Variants in HNRNPA2B1 observed in about 807,000 individuals in gnomAD.
HNRNPA2B1 encodes the protein heterogeneous nuclear ribonucleoproteins A2/B1.
In HNRNPA2B1, 3 loss-of-function variants were observed where a neutral mutation model predicts 46.3. The observed-to-expected ratio is 0.06, with a 90% CI of 0.03 to 0.17. The LOEUF (loss-of-function observed/expected upper bound fraction) is 0.17. Ranked by LOEUF, HNRNPA2B1 falls within the 10% of genes least tolerant of loss-of-function variation. The pLI, the probability that HNRNPA2B1 is intolerant of heterozygous loss-of-function variation, is 1.00. For missense variants in HNRNPA2B1, 221 were observed against 418.9 expected (o/e 0.53, Z 4.12); for synonymous variants, 225 against 133.8 (o/e 1.68, Z -4.70).
chr7:26,193,813 C>T, intron 7 of HNRNPA2B1, 119 bp from the exon 8 acceptor site: 1 of 895,016 alleles, frequency 1.1e-6, no homozygotes, highest in South Asian at 1.6e-5. Context: ...TGAAATTCCT[C>T]TAAAATAGCT....
In HNRNPA2B1 at chr7:26,200,713, G is replaced by T. The variant is rs112928113; in HGVS notation, c.-136C>A. On this transcript the variant is annotated 5_prime_UTR_variant, in exon 1 of 11. Coordinates refer to ENST00000618183, the MANE Select transcript of HNRNPA2B1 (RefSeq NM_002137.4). ...TGCTCGAGAAACAACTCTGCGAGGA[G>T]CACCTCCGCACGGGACCCGGCGCTG... 4.1e-4 allele frequency: 453 copies of T among 1,092,638 alleles called. 4 individuals carry two copies. In the Middle Eastern group the frequency reaches 0.011, roughly 26 times the overall value. The allele number at this position is 1,092,638 out of a possible 1,614,324, so 67.7% of individuals were successfully genotyped here.
rs10255851 is a variant in HNRNPA2B1 at position 26,198,072 on chromosome 7, G to A, written c.7-340C>T. ...GGAAAAATAAACAAATGTAGACCGT[G>A]ATTATCAAAGGATTATTAAAGAATC... On this transcript the variant is annotated intron_variant, in intron 1 of 10. Coordinates refer to ENST00000618183, the MANE Select transcript of HNRNPA2B1 (RefSeq NM_002137.4). 20,456 of 396,964 alleles carry A rather than the reference G, an allele frequency of 0.052. 679 individuals carry two copies. The highest frequency in any genetic ancestry group is 0.11 in the African/African-American group (5,241 of 48,288). 24.6% of individuals were successfully genotyped at this position (396,964 alleles called of 1,614,324 possible). A position where few individuals can be genotyped will look rare whatever the true frequency, so the allele number is the denominator to read the frequency against.
intron 6 of HNRNPA2B1, 103 bp downstream of exon 6, chr7:26,196,298 A>T (rs1275569695): frequency 1.5e-5 from 14 of 944,732 alleles, no homozygotes; most frequent in Non-Finnish European, 2.2e-5. Flanking sequence ...AAGTCTTAGG[A>T]AAATTGACTT....
In HNRNPA2B1 at chr7:26,190,625, G is replaced by C. The variant is rs551763820; in HGVS notation, c.*1735C>G. ...GGCAATAAAGCCGGGCAATCAAACT[G>C]ATCATATCTAAGGAATGAATTTCAA... is the stretch of plus-strand genomic sequence containing the variant. On this transcript the variant is annotated 3_prime_UTR_variant, in exon 11 of 11. Transcript: ENST00000618183. The C allele has an allele frequency of 1.3e-5, 2 of 152,274 alleles. No individual in the cohort carries two copies. The highest frequency in any genetic ancestry group is 4.8e-5 in the African/African-American group (2 of 41,548). The allele number at this position is 152,274 out of a possible 1,614,324, so 9.4% of individuals were successfully genotyped here. A position where few individuals can be genotyped will look rare whatever the true frequency, so the allele number is the denominator to read the frequency against.
chr7:26,197,936 CAAAAAATTG>C, intron 1 of HNRNPA2B1: 12 of 1,002,340 alleles, frequency 1.2e-5, no homozygotes, highest in South Asian at 6.4e-5. Context: ...TGTGTTACAC[CAAAAAATTG>C]CCTCAGCTGA....
chr7:26,197,160 A>C, intron 3 of HNRNPA2B1, 143 bp from the exon 4 acceptor site: 1 of 1,164,916 alleles, frequency 8.6e-7, no homozygotes, highest in Non-Finnish European at 1.2e-6. Context: ...CTAGCTTTTG[A>C]AAAATAAGCT....
rs900190909 is a variant in HNRNPA2B1, at chr7:26,190,482, A to G, written c.*1878T>C. The stretch of plus-strand genomic sequence containing the variant: ...CTTCCTGCCAAAGGAAAAAAAAAGT[A>G]TCTGAAGAAGTTTATCATGTTTGTC... On this transcript the variant is annotated 3_prime_UTR_variant, in exon 11 of 11. Coordinates refer to ENST00000618183, the MANE Select transcript of HNRNPA2B1 (RefSeq NM_002137.4). 6.6e-6 allele frequency: 1 copy of G among 152,596 alleles called. No homozygotes were observed. The highest frequency in any genetic ancestry group is 1.5e-5 in the Non-Finnish European group (1 of 68,022). The allele number at this position is 152,596 out of a possible 1,614,324, so 9.5% of individuals were successfully genotyped here. A position where few individuals can be genotyped will look rare whatever the true frequency, so the allele number is the denominator to read the frequency against.
At position 26,192,643 on chromosome 7, in the gene HNRNPA2B1, A is replaced by G. The variant is rs1005731869; in HGVS notation, c.965-66T>C. The G allele has an allele frequency of 5.5e-6, 7 of 1,269,858 alleles. No individual in the cohort carries two copies. In the African/African-American group the frequency reaches 1.0e-4, roughly 19 times the overall value. 78.7% of individuals were successfully genotyped at this position (1,269,858 alleles called of 1,614,324 possible). A position where few individuals can be genotyped will look rare whatever the true frequency, so the allele number is the denominator to read the frequency against. ...GATTTCCCATGATCAGCCTAACACT[A>G]CAGTTGATTCTATTTTATATCCATC... is the stretch of plus-strand genomic sequence containing the variant. On this transcript the variant is annotated intron_variant, in intron 9 of 10. Transcript: ENST00000618183.
rs1294907430 is a variant in HNRNPA2B1 at position 26,192,254 on chromosome 7, A to T, written c.*106T>A. The T allele has an allele frequency of 2.3e-6, 1 of 431,318 alleles. No individual in the cohort carries two copies. Among genetic ancestry groups the T allele is most frequent in the Non-Finnish European group, 4.2e-6 (1 of 239,256 alleles). 26.7% of individuals were successfully genotyped at this position (431,318 alleles called of 1,614,324 possible). A position where few individuals can be genotyped will look rare whatever the true frequency, so the allele number is the denominator to read the frequency against. On this transcript the variant is annotated 3_prime_UTR_variant, in exon 11 of 11. Coordinates refer to ENST00000618183, the MANE Select transcript of HNRNPA2B1 (RefSeq NM_002137.4). ...CATATTTATGCATGACTGAGATAAG[A>T]GTTTCCTTAACATTGTTATTTCGAT...
At position 26,200,103 on chromosome 7, in the gene HNRNPA2B1, G is replaced by C. The variant is rs138249007; in HGVS notation, c.6+469C>G. The stretch of plus-strand genomic sequence containing the variant: ...CACTAAGAAAATAAAAGAGTTATAA[G>C]GAAAACGCTGAGAGGAAGGCGAGCC... On this transcript the variant is annotated intron_variant, in intron 1 of 10. Coordinates refer to ENST00000618183, the MANE Select transcript of HNRNPA2B1 (RefSeq NM_002137.4). 859 of 194,942 alleles carry C rather than the reference G, an allele frequency of 4.4e-3. 6 individuals are homozygous for C. The highest frequency in any genetic ancestry group is 0.019 in the African/African-American group (818 of 42,418). 12.1% of individuals were successfully genotyped at this position (194,942 alleles called of 1,614,324 possible). A position where few individuals can be genotyped will look rare whatever the true frequency, so the allele number is the denominator to read the frequency against.
chr7:26,200,735 GCTGCTGCTA>G lies in HNRNPA2B1; in HGVS notation c.-167_-159del. The G allele has an allele frequency of 1.1e-6, 1 of 902,766 alleles. No homozygotes were observed. Among genetic ancestry groups the G allele is most frequent in the South Asian group, 1.3e-5 (1 of 74,548 alleles). 55.9% of individuals were successfully genotyped at this position (902,766 alleles called of 1,614,324 possible). On this transcript the variant is annotated 5_prime_UTR_variant, in exon 1 of 11. Coordinates refer to ENST00000618183, the MANE Select transcript of HNRNPA2B1 (RefSeq NM_002137.4). ...GGAGCACCTCCGCACGGGACCCGGC[GCTGCTGCTA>G]CTGCCGCTAGAGCCGCTGCCGCCGC...
At chr7:26,197,569 T>C in intron 2 of HNRNPA2B1, 53 bp downstream of exon 2, 1 of 1,561,268 alleles carries the variant, frequency 6.4e-7, no homozygotes, top group Non-Finnish European at 8.8e-7. Context: ...CATGATTCAC[T>C]TAACATACAG....
chr7:26,193,409 C>T (rs770498639), intron 8 of HNRNPA2B1, 36 bp from the exon 9 acceptor site: 2 of 1,594,314 alleles, frequency 1.3e-6, no homozygotes, highest in Non-Finnish European at 8.6e-7. Flanking sequence ...ACAATACAAA[C>T]ATTAAACCAA....
chr7:26,190,642 G>C lies in HNRNPA2B1; in HGVS notation c.*1718C>G, dbSNP rs1426931777. The C allele has an allele frequency of 6.6e-6, 1 of 152,192 alleles. No individual in the cohort carries two copies. Among genetic ancestry groups the C allele is most frequent in the African/African-American group, 2.4e-5 (1 of 41,444 alleles). The allele number at this position is 152,192 out of a possible 1,614,324, so 9.4% of individuals were successfully genotyped here. A position where few individuals can be genotyped will look rare whatever the true frequency, so the allele number is the denominator to read the frequency against. On this transcript the variant is annotated 3_prime_UTR_variant, in exon 11 of 11. Coordinates refer to ENST00000618183, the MANE Select transcript of HNRNPA2B1 (RefSeq NM_002137.4). ...ATCAAACTGATCATATCTAAGGAAT[G>C]AATTTCAACAGCCAACCTACAACTT... is the stretch of plus-strand genomic sequence containing the variant.
At chr7:26,197,565 T>G (rs1783788062) in intron 2 of HNRNPA2B1, 57 bp downstream of exon 2, 1 of 1,552,272 alleles carries the variant, frequency 6.4e-7, no homozygotes, top group Non-Finnish European at 8.9e-7. Flanking sequence ...CCTCCATGAT[T>G]CACTTAACAT....
rs897502661 is a variant in HNRNPA2B1 at position 26,200,719 on chromosome 7, C to G, written c.-142G>C. On this transcript the variant is annotated 5_prime_UTR_variant, in exon 1 of 11. Transcript: ENST00000618183. Reference sequence around the variant, plus strand: ...AGAAACAACTCTGCGAGGAGCACCTCCGCACGGGACCCGGCGCTGCTGCTA... The same window carrying G: ...AGAAACAACTCTGCGAGGAGCACCTGCGCACGGGACCCGGCGCTGCTGCTA... The G allele has an allele frequency of 7.4e-5, 76 of 1,027,238 alleles. 1 individual carries two copies. The African/African-American group carries it at 9.1e-4, about 12-fold the overall frequency. 63.6% of individuals were successfully genotyped at this position (1,027,238 alleles called of 1,614,324 possible). A position where few individuals can be genotyped will look rare whatever the true frequency, so the allele number is the denominator to read the frequency against.
At chr7:26,195,631 G>A (rs1162107474) in intron 7 of HNRNPA2B1, 6 of 536,436 alleles carry the variant, frequency 1.1e-5, no homozygotes, top group East Asian at 3.3e-5. Flanking sequence ...TACTCTGATG[G>A]TTATCTTTAC....
At chr7:26,200,428 C>A in intron 1 of HNRNPA2B1, 144 bp downstream of exon 1, 5 of 825,926 alleles carry the variant, frequency 6.1e-6, no homozygotes, top group South Asian at 1.4e-5. Flanking sequence ...CTCAAGACCC[C>A]GTTCATAAAC....
Position 26,193,172 on chromosome 7 carries a change from A to G in HNRNPA2B1, c.964+79T>C, listed in dbSNP as rs1024450332. ...CTGCCCACAGTACAAACTACTTAGTATGTTATCTTCCCTTTAAGTCACAAA... is the reference window on the plus strand; with the variant it reads ...CTGCCCACAGTACAAACTACTTAGTGTGTTATCTTCCCTTTAAGTCACAAA... On this transcript the variant is annotated intron_variant, in intron 9 of 10. Coordinates refer to ENST00000618183, the MANE Select transcript of HNRNPA2B1 (RefSeq NM_002137.4). 6 of 1,372,390 alleles carry G rather than the reference A, an allele frequency of 4.4e-6. No individual in the cohort carries two copies. The Admixed American group carries it at 7.8e-5, about 18-fold the overall frequency. The allele number at this position is 1,372,390 out of a possible 1,614,324, so 85.0% of individuals were successfully genotyped here. A position where few individuals can be genotyped will look rare whatever the true frequency, so the allele number is the denominator to read the frequency against.
Sources: allele counts gnomAD v4.1 joint callset, GRCh38; gene constraint gnomAD v4.1.1; transcripts MANE v1.5; gene names NCBI Gene and HGNC (gene_info 2026-07-23, HGNC 2026-07-21).